The following AGTPBP1 variants were observed in gnomAD, a reference collection of about 807,000 sequenced individuals.
AGTPBP1 encodes cytosolic carboxypeptidase 1.
A neutral mutation model predicts 143.9 loss-of-function variants in AGTPBP1; 70 were observed. That is an observed-to-expected ratio of 0.49 (90% CI 0.40 to 0.59). AGTPBP1 has a LOEUF of 0.59. Ranked by LOEUF, AGTPBP1 falls within the 20% of genes least tolerant of loss-of-function variation. AGTPBP1 has a pLI of 0.00. For missense variants in AGTPBP1, 1,229 were observed against 1,464.5 expected, an observed-to-expected ratio of 0.84 and a Z score of 2.62; for synonymous variants, 463 against 500.2, an observed-to-expected ratio of 0.93 and a Z score of 0.99.
At chr9:85,548,015 AC>A (rs983152283) in intron 25 of AGTPBP1, among the ~76,000 whole-genome samples, 1 of 151,766 alleles carries the variant, frequency 6.6e-6, no homozygotes, top group Admixed American at 6.6e-5. Flanking sequence ...TGAGATTTAC[AC>A]CCCCCCACAC....
chr9:85,760,083 T>G, the AGTPBP1 span, among the ~76,000 whole-genome samples: 1 of 152,014 alleles, frequency 6.6e-6, no homozygotes, highest in Non-Finnish European at 1.5e-5. Context: ...AAGTTGAATC[T>G]CTGAATAGAC....
chr9:85,677,267 C>A (rs931217001), intron 6 of AGTPBP1, among the ~76,000 whole-genome samples, 169 bp downstream of exon 6: 4 of 152,140 alleles, frequency 2.6e-5, no homozygotes, highest in African/African-American at 7.2e-5. Context: ...ATTACACATA[C>A]ATTTTTATCA....
At chr9:85,597,492 A>G (rs1171983042) in intron 17 of AGTPBP1, among the ~76,000 whole-genome samples, 1 of 152,106 alleles carries the variant, frequency 6.6e-6, no homozygotes, top group Non-Finnish European at 1.5e-5. Flanking sequence ...ATGTTTTGCC[A>G]TTCCATGTAA....
chr9:85,555,901 G>A (rs925361603), intron 25 of AGTPBP1, among the ~76,000 whole-genome samples: 1 of 152,182 alleles, frequency 6.6e-6, no homozygotes, highest in Admixed American at 6.5e-5. Context: ...ATAAGTGAAT[G>A]TGACTAACTA....
chr9:85,796,656 A>G, the AGTPBP1 span, among the ~76,000 whole-genome samples: 1 of 152,096 alleles, frequency 6.6e-6, no homozygotes, highest in Admixed American at 6.6e-5. Context: ...CAAAATCTAC[A>G]TTAAAAACCT....
At chr9:85,690,449 G>A (rs1175985532) in intron 3 of AGTPBP1, among the ~76,000 whole-genome samples, 1 of 152,152 alleles carries the variant, frequency 6.6e-6, no homozygotes, top group Non-Finnish European at 1.5e-5. Context: ...GTCATTCTCT[G>A]ATAGTGGTAT....
At chr9:85,621,591 G>A (rs978883683) in intron 14 of AGTPBP1, among the ~76,000 whole-genome samples, 13 of 151,592 alleles carry the variant, frequency 8.6e-5, no homozygotes, top group Admixed American at 3.3e-4. Context: ...GTGTGGTTTC[G>A]CTATCTAACC....
At chr9:85,618,709 C>T (rs938586965) in intron 17 of AGTPBP1, among the ~76,000 whole-genome samples, 1 of 152,044 alleles carries the variant, frequency 6.6e-6, no homozygotes, top group South Asian at 2.1e-4. Flanking sequence ...AATCAGATGT[C>T]GCCATCGGAG....
chr9:85,568,243 GTC>G (rs1384070124), intron 25 of AGTPBP1, among the ~76,000 whole-genome samples: 1 of 152,144 alleles, frequency 6.6e-6, no homozygotes, highest in African/African-American at 2.4e-5. Context: ...GAAATTATAG[GTC>G]TGGTGATCTA....
At position 85,632,634 on chromosome 9, in the gene AGTPBP1, T is replaced by A. The variant is rs759758814; in HGVS notation, c.2015+28A>T. The A allele has an allele frequency of 6.5e-6, 10 of 1,532,868 alleles. No individual in the cohort carries two copies. In the African/African-American group the frequency reaches 1.4e-4, roughly 21 times the overall value. 95.0% of individuals were successfully genotyped at this position (1,532,868 alleles called of 1,614,324 possible). A position where few individuals can be genotyped will look rare whatever the true frequency, so the allele number is the denominator to read the frequency against. ...CTCATATCTTGACAATAGCCTTATT[T>A]AGAAGAGGGAAGAAATATGCAACTC... On this transcript the variant is annotated intron_variant, in intron 14 of 25. Transcript: ENST00000357081.
intron 14 of AGTPBP1, among the ~76,000 whole-genome samples, chr9:85,626,776 T>TA (rs35847243): frequency 6.6e-6 from 1 of 152,156 alleles, no homozygotes; most frequent in Non-Finnish European, 1.5e-5. Context: ...GACAATGCAT[T>TA]AAAAAACAAG....
intron 9 of AGTPBP1, 27 bp from the exon 10 acceptor site, chr9:85,657,670 A>T: frequency 1.3e-6 from 2 of 1,546,148 alleles, no homozygotes; most frequent in South Asian, 1.2e-5. Flanking sequence ...TTGAGAAAGA[A>T]TATTTTTTAA....
intron 10 of AGTPBP1, among the ~76,000 whole-genome samples, chr9:85,657,008 T>C (rs931484951): frequency 4.6e-5 from 7 of 150,848 alleles, no homozygotes; most frequent in Admixed American, 4.6e-4. Context: ...GGAAGGGGAA[T>C]ATCACACTCT....
chr9:85,621,529 T>TAA (rs11326881), intron 14 of AGTPBP1, among the ~76,000 whole-genome samples: 10 of 142,720 alleles, frequency 7.0e-5, no homozygotes, highest in Non-Finnish European at 3.1e-5. Context: ...TCCAATCATT[T>TAA]AAAAAAAAAA....
intron 25 of AGTPBP1, among the ~76,000 whole-genome samples, chr9:85,559,244 C>T (rs947281518): frequency 6.6e-6 from 1 of 151,978 alleles, no homozygotes; most frequent in Non-Finnish European, 1.5e-5. Flanking sequence ...TTTTATTATA[C>T]AACACAAATG....
intron 1 of AGTPBP1, among the ~76,000 whole-genome samples, chr9:85,732,731 G>A (rs1011450393): frequency 6.6e-6 from 1 of 152,026 alleles, no homozygotes; most frequent in South Asian, 2.1e-4. Flanking sequence ...GTTGTCTGCA[G>A]GAGACTTACT....
At chr9:85,734,153 T>G (rs1564195512) in intron 1 of AGTPBP1, among the ~76,000 whole-genome samples, 1 of 152,082 alleles carries the variant, frequency 6.6e-6, no homozygotes, top group Non-Finnish European at 1.5e-5. Context: ...CTCAGGACGC[T>G]GAGGCAGAAG....
At chr9:85,590,226 A>G (rs1432653542) in intron 19 of AGTPBP1, among the ~76,000 whole-genome samples, 1 of 152,154 alleles carries the variant, frequency 6.6e-6, no homozygotes, top group Non-Finnish European at 1.5e-5. Flanking sequence ...AAATTTTTTT[A>G]AGTTTTAAAA....
At chr9:85,561,349 C>T (rs1826703600) in intron 25 of AGTPBP1, among the ~76,000 whole-genome samples, 1 of 149,780 alleles carries the variant, frequency 6.7e-6, no homozygotes, top group African/African-American at 2.5e-5. Flanking sequence ...GATCATGCCA[C>T]TGCACTCCAG....
Sources: allele counts gnomAD v4.1 joint callset (sites outside exome capture counted in the v4.1 genomes callset), GRCh38; gene constraint gnomAD v4.1.1; transcripts MANE v1.5; gene names NCBI Gene and HGNC (gene_info 2026-07-23, HGNC 2026-07-21).